The following PGAP1 variants were observed in gnomAD, a reference collection of about 807,000 sequenced individuals.
PGAP1 encodes the protein post-GPI attachment to proteins inositol deacylase 1, also known as GPI inositol-deacylase.
In PGAP1, 76 loss-of-function variants were observed where a neutral mutation model predicts 127.0. The observed-to-expected ratio is 0.60, with a 90% confidence interval of 0.50 to 0.72. The LOEUF is 0.72. Ranked by LOEUF, PGAP1 falls within the 30% of genes least tolerant of loss-of-function variation. PGAP1 has a pLI of 0.00. For synonymous variants in PGAP1, 362 were observed against 366.5 expected, an observed-to-expected ratio of 0.99 and a Z score of 0.14; for missense variants, 982 against 1,071.3, an observed-to-expected ratio of 0.92 and a Z score of 1.16.
intron 23 of PGAP1, among the ~76,000 whole-genome samples, chr2:196,844,966 A>G (rs1292263035): frequency 6.6e-6 from 1 of 152,110 alleles, no homozygotes; most frequent in Admixed American, 6.5e-5. Flanking sequence ...GTAAAAGGAT[A>G]TAACACATTT....
At chr2:196,863,129 T>G (rs1383988104) in intron 20 of PGAP1, among the ~76,000 whole-genome samples, 2 of 152,050 alleles carry the variant, frequency 1.3e-5, no homozygotes, top group Non-Finnish European at 2.9e-5. Flanking sequence ...CAAATGTAAA[T>G]TAGTACAGCC....
chr2:196,844,719 T>C (rs1358238953), intron 23 of PGAP1, 145 bp from the exon 24 acceptor site: 3 of 603,024 alleles, frequency 5.0e-6, no homozygotes, highest in East Asian at 6.2e-5. Flanking sequence ...AAAACATTCT[T>C]ATACAAAACA....
intron 20 of PGAP1, among the ~76,000 whole-genome samples, chr2:196,861,105 T>C (rs1701048886): frequency 6.6e-6 from 1 of 152,154 alleles, no homozygotes; most frequent in African/African-American, 2.4e-5. Flanking sequence ...TTTCAATAAA[T>C]GGTGCTGGGA....
chr2:196,873,733 T>C lies in PGAP1; in HGVS notation c.1452A>G (p.Leu484=). The C allele has an allele frequency of 6.2e-7, 1 of 1,611,452 alleles. No individual in the cohort carries two copies. Among genetic ancestry groups the C allele is most frequent in the South Asian group, 1.1e-5 (1 of 90,964 alleles). ...GATTGTAGTATAGGCCATTTGTATT[T>C]AACACCACTTTCCTTGAAGACAATC... The part of the protein sequence containing the change: ...SFGLSSRKVV[L]NTNGLYYNLE... The change falls in exon 15 of 27, where the codon TTA becomes TTG. Residue 484 remains leucine (L), a synonymous_variant. Coordinates refer to ENST00000354764, the MANE Select transcript of PGAP1 (RefSeq NM_024989.4).
chr2:196,922,241 G>A (rs62185194), intron 1 of PGAP1: 1 of 1,237,090 alleles, frequency 8.1e-7, no homozygotes, highest in Non-Finnish European at 1.1e-6. Context: ...ATAGAAAAAT[G>A]CTGATTTAAG....
In PGAP1 at chr2:196,870,017, G is replaced by A. The variant is rs140750413; in HGVS notation, c.1767+924C>T. On this transcript the variant is annotated intron_variant, in intron 19 of 26. Transcript: ENST00000354764. ...ATATAACTTCCCTAACTAATCAATTGTTATCTTATTTATGTCCAGGTTGCA... is the reference window on the plus strand; with the variant it reads ...ATATAACTTCCCTAACTAATCAATTATTATCTTATTTATGTCCAGGTTGCA... Among the ~76,000 whole-genome samples, 16 of 152,214 alleles carry A rather than the reference G, an allele frequency of 1.1e-4. No homozygotes were observed. In the East Asian group the frequency reaches 3.1e-3, roughly 29 times the overall value.
Position 196,863,271 on chromosome 2 carries a change from A to G in PGAP1, c.1861+1716T>C, listed in dbSNP as rs139883079. Among the ~76,000 whole-genome samples, 251 of 152,348 alleles carry G rather than the reference A, an allele frequency of 1.6e-3. 1 individual carries two copies. The highest frequency in any genetic ancestry group is 5.8e-3 in the African/African-American group (240 of 41,588). ...CTATCAAAAAGATGTCTGCATCCCC[A>G]TGTTTACTGTAGCACTCACTATTCA... On this transcript the variant is annotated intron_variant, in intron 20 of 26. Coordinates refer to ENST00000354764, the MANE Select transcript of PGAP1 (RefSeq NM_024989.4).
intron 16 of PGAP1, among the ~76,000 whole-genome samples, chr2:196,873,281 T>C (rs1701462781): frequency 6.6e-6 from 1 of 152,016 alleles, no homozygotes; most frequent in Non-Finnish European, 1.5e-5. Flanking sequence ...ATTACTACTA[T>C]AAGACATAAA....
In PGAP1 at chr2:196,844,088, A is replaced by G. The variant is rs779092825; in HGVS notation, c.2338-13T>C. The G allele has an allele frequency of 8.1e-6, 12 of 1,481,722 alleles. No homozygotes were observed. Among genetic ancestry groups the G allele is most frequent in the Non-Finnish European group, 1.1e-5 (12 of 1,093,044 alleles). The allele number at this position is 1,481,722 out of a possible 1,614,324, so 91.8% of individuals were successfully genotyped here. ...AGTGTTTGGGATTCTATAAAACAAT[A>G]AAGTAGAAATATCAAGACACTAAAC... On this transcript the variant is annotated splice_polypyrimidine_tract_variant and intron_variant, in intron 24 of 26. Coordinates refer to ENST00000354764, the MANE Select transcript of PGAP1 (RefSeq NM_024989.4).
At chr2:196,920,301 C>G in intron 1 of PGAP1, 151 bp from the exon 2 acceptor site, 1 of 647,086 alleles carries the variant, frequency 1.5e-6, no homozygotes, top group Non-Finnish European at 2.5e-6. Flanking sequence ...AAAACAAGTT[C>G]TACTTGTAGT....
intron 20 of PGAP1, among the ~76,000 whole-genome samples, chr2:196,852,531 C>G (rs1322342441): frequency 6.6e-6 from 1 of 151,174 alleles, no homozygotes; most frequent in Non-Finnish European, 1.5e-5. Context: ...TAAAATATAT[C>G]AAAAATAATG....
chr2:196,844,091 G>C lies in PGAP1; in HGVS notation c.2338-16C>G. On this transcript the variant is annotated splice_polypyrimidine_tract_variant and intron_variant, in intron 24 of 26. Coordinates refer to ENST00000354764, the MANE Select transcript of PGAP1 (RefSeq NM_024989.4). ...GTTTGGGATTCTATAAAACAATAAA[G>C]TAGAAATATCAAGACACTAAACAAA... The C allele has an allele frequency of 1.4e-6, 2 of 1,464,184 alleles. No individual in the cohort carries two copies. Among genetic ancestry groups the C allele is most frequent in the Non-Finnish European group, 1.9e-6 (2 of 1,081,014 alleles). 90.7% of individuals were successfully genotyped at this position (1,464,184 alleles called of 1,614,324 possible).
In PGAP1 at chr2:196,892,348, T is replaced by A. The variant is rs757906848; in HGVS notation, c.1087A>T (p.Asn363Tyr). 1.4e-6 allele frequency: 2 copies of A among 1,421,934 alleles called. No homozygotes were observed. Among genetic ancestry groups the A allele is most frequent in the Non-Finnish European group, 1.9e-6 (2 of 1,032,988 alleles). 88.1% of individuals were successfully genotyped at this position (1,421,934 alleles called of 1,614,324 possible). A position where few individuals can be genotyped will look rare whatever the true frequency, so the allele number is the denominator to read the frequency against. ...KVSKWTYVAYNESEKIYFTFP... is the reference protein window; with the variant it reads ...KVSKWTYVAYYESEKIYFTFP... ...AAATCCATTGGTGGAATACTTACGT[T>A]GTAAGCTACATAGGTCCATTTGGAC... Residue 363 changes from asparagine (N) to tyrosine (Y), a missense_variant and splice_region_variant, in exon 9 of 27, where the codon AAC (asparagine) becomes TAC (tyrosine). Transcript: ENST00000354764.
At chr2:196,867,221 T>A (rs1033934225) in intron 19 of PGAP1, among the ~76,000 whole-genome samples, 1 of 152,056 alleles carries the variant, frequency 6.6e-6, no homozygotes, top group Non-Finnish European at 1.5e-5. Context: ...TAGCAAAGAC[T>A]TGGAATCAAC....
Position 196,904,954 on chromosome 2 carries a change from T to G in PGAP1, c.650-2212A>C, listed in dbSNP as rs555775718. Among the ~76,000 whole-genome samples the G allele has an allele frequency of 3.9e-5, 6 of 152,324 alleles. No homozygotes were observed. In the South Asian group the frequency reaches 1.2e-3, roughly 32 times the overall value. The stretch of plus-strand genomic sequence containing the variant: ...CAAGTATAAACAGGGAATCTACTTC[T>G]GAGGTCATATGGATCTCTGTCTCTC... On this transcript the variant is annotated intron_variant, in intron 4 of 26. Coordinates refer to ENST00000354764, the MANE Select transcript of PGAP1 (RefSeq NM_024989.4).
chr2:196,859,752 C>T (rs908698041), intron 20 of PGAP1, among the ~76,000 whole-genome samples: 5 of 151,846 alleles, frequency 3.3e-5, no homozygotes, highest in Non-Finnish European at 7.4e-5. Context: ...CAAATGGAAT[C>T]GAGAAGTATA....
At chr2:196,902,530 T>C in intron 5 of PGAP1, 55 bp downstream of exon 5, 2 of 1,449,996 alleles carry the variant, frequency 1.4e-6, no homozygotes, top group Non-Finnish European at 9.4e-7. Context: ...TCTTCTTTCA[T>C]GCTCCACTGG....
At chr2:196,858,544 A>G (rs1380289044) in intron 20 of PGAP1, among the ~76,000 whole-genome samples, 1 of 152,190 alleles carries the variant, frequency 6.6e-6, no homozygotes, top group African/African-American at 2.4e-5. Context: ...CTAAGAGGAG[A>G]GTTCATAGCA....
Position 196,872,642 on chromosome 2 carries a change from T to C in PGAP1, c.1620-93A>G, listed in dbSNP as rs1701446288. The C allele has an allele frequency of 7.0e-6, 6 of 855,858 alleles. No individual in the cohort carries two copies. The South Asian group carries it at 7.9e-5, about 11-fold the overall frequency. The allele number at this position is 855,858 out of a possible 1,614,324, so 53.0% of individuals were successfully genotyped here. On this transcript the variant is annotated intron_variant, in intron 17 of 26. Transcript: ENST00000354764. ...TCCTCAGCACAATACAACTGAATAA[T>C]GTAGAGGAAGCTAGGTGCCAGACAC... is the stretch of plus-strand genomic sequence containing the variant.
Sources: allele counts gnomAD v4.1 joint callset (sites outside exome capture counted in the v4.1 genomes callset), GRCh38; gene constraint gnomAD v4.1.1; transcripts MANE v1.5; gene names NCBI Gene and HGNC (gene_info 2026-07-23, HGNC 2026-07-21).